The following TPRG1 variants were observed in gnomAD, a reference collection of about 807,000 sequenced individuals.
TPRG1 encodes the protein tumor protein p63 regulated 1.
TPRG1 carries 29 observed loss-of-function variants against 29.3 expected under a neutral mutation model. The observed-to-expected ratio is 0.99, with a 90% CI of 0.74 to 1.35. The LOEUF (loss-of-function observed/expected upper bound fraction) is 1.35. Ranked by LOEUF, TPRG1 falls within the 40% of genes most tolerant of loss-of-function variation. The pLI is 0.00. For synonymous variants in TPRG1, 130 were observed against 116.8 expected (o/e 1.11, Z -0.73); for missense variants, 327 against 335.0 (o/e 0.98, Z 0.19).
At chr3:189,029,917 C>G (rs1713847978) in intron 4 of TPRG1, among the ~76,000 whole-genome samples, 1 of 152,180 alleles carries the variant, frequency 6.6e-6, no homozygotes, top group Non-Finnish European at 1.5e-5. Context: ...TGAGGCCGCA[C>G]CATAAGCAGA....
At position 189,137,301 on chromosome 3, in the gene TPRG1, TGTG is replaced by T. The variant is rs1374067945; in HGVS notation, c.-291+4605_-291+4607del. 8.7e-5 allele frequency among the ~76,000 whole-genome samples: 5 copies of T among 57,786 alleles called. No homozygotes were observed. The African/African-American group carries it at 1.1e-3, about 13-fold the overall frequency. The allele number at this position is 57,786 out of a possible 152,430, so 37.9% of individuals were successfully genotyped here. Reference sequence around the variant, plus strand: ...CAGCTTCTGAAAACCCCAAAATGTGTGTGTGTGTGTGTGTGTGTGTGTGTGTGT... The same window carrying T: ...CAGCTTCTGAAAACCCCAAAATGTGTTGTGTGTGTGTGTGTGTGTGTGTGT... On this transcript the variant is annotated intron_variant, in intron 3 of 6. Coordinates refer to the TPRG1 transcript ENST00000412373.
At chr3:189,006,886 C>T (rs926187329) in intron 3 of TPRG1, among the ~76,000 whole-genome samples, 14 of 152,092 alleles carry the variant, frequency 9.2e-5, no homozygotes, top group African/African-American at 2.2e-4. Flanking sequence ...CTACAGAGAC[C>T]GCATGGCCTG....
intron 1 of TPRG1, among the ~76,000 whole-genome samples, chr3:189,174,681 C>T (rs1249235367): frequency 1.3e-5 from 2 of 152,204 alleles, no homozygotes; most frequent in Non-Finnish European, 2.9e-5. Flanking sequence ...TTCAGTAGAA[C>T]ATACCGTTGG....
At position 189,159,867 on chromosome 3, in the gene TPRG1, TG is replaced by T. The variant is rs796106376; in HGVS notation, c.-10+8997del. Among the ~76,000 whole-genome samples the T allele has an allele frequency of 1.4e-3, 150 of 104,978 alleles. 1 individual carries two copies. Among genetic ancestry groups the T allele is most frequent in the Non-Finnish European group, 2.2e-3 (100 of 45,012 alleles). 68.9% of individuals were successfully genotyped at this position (104,978 alleles called of 152,430 possible). ...GTGTGTGTGTGTGTGTGTGTGTGTGTGGTGGTGGGGGTAGGGGTTCACGAGC... is the reference window on the plus strand; with the variant it reads ...GTGTGTGTGTGTGTGTGTGTGTGTGTGTGGTGGGGGTAGGGGTTCACGAGC... On this transcript the variant is annotated intron_variant, in intron 5 of 6. Transcript: ENST00000412373.
intron 4 of TPRG1, among the ~76,000 whole-genome samples, chr3:189,093,127 G>A (rs1718445005): frequency 6.6e-6 from 1 of 151,762 alleles, no homozygotes; most frequent in Admixed American, 6.6e-5. Context: ...GACAGTGAAT[G>A]GAGACAAAGA....
intron 4 of TPRG1, among the ~76,000 whole-genome samples, chr3:189,288,533 G>C (rs1718461139): frequency 1.3e-5 from 2 of 152,218 alleles, no homozygotes; most frequent in South Asian, 4.1e-4. Flanking sequence ...AGCATATTCA[G>C]CTTTGTAAAT....
At chr3:189,262,279 G>T (rs370453221) in intron 4 of TPRG1, among the ~76,000 whole-genome samples, 65 of 141,890 alleles carry the variant, frequency 4.6e-4, no homozygotes, top group Admixed American at 2.4e-3. Flanking sequence ...AGTATATGAA[G>T]TATACGTCTT....
At chr3:189,214,355 C>T (rs1735714876) in intron 2 of TPRG1, among the ~76,000 whole-genome samples, 1 of 152,142 alleles carries the variant, frequency 6.6e-6, no homozygotes, top group Non-Finnish European at 1.5e-5. Context: ...CATGTTGTGT[C>T]ATTAAAGAAA....
At chr3:189,246,322 A>G (rs1271036515) in intron 4 of TPRG1, among the ~76,000 whole-genome samples, 1 of 152,114 alleles carries the variant, frequency 6.6e-6, no homozygotes, top group Admixed American at 6.6e-5. Context: ...TTTATAAATT[A>G]CCTAGTCTTG....
intron 3 of TPRG1, among the ~76,000 whole-genome samples, chr3:189,221,623 G>T (rs1327832800): frequency 6.6e-6 from 1 of 152,156 alleles, no homozygotes; most frequent in African/African-American, 2.4e-5. Flanking sequence ...GGCTCTATTA[G>T]ATCTTTAAAT....
At chr3:189,288,357 C>T (rs767781338) in intron 4 of TPRG1, among the ~76,000 whole-genome samples, 4 of 152,090 alleles carry the variant, frequency 2.6e-5, no homozygotes, top group Non-Finnish European at 4.4e-5. Context: ...AACAAAACTT[C>T]AAAGGCCAAT....
At chr3:189,281,666 T>A (rs767107040) in intron 4 of TPRG1, among the ~76,000 whole-genome samples, 6 of 152,176 alleles carry the variant, frequency 3.9e-5, no homozygotes, top group Non-Finnish European at 8.8e-5. Context: ...TCTTTCTTAA[T>A]GTATAAATCC....
Position 189,320,728 on chromosome 3 carries a change from A to T in TPRG1, c.736A>T (p.Ile246Phe). 1 of 1,603,936 alleles carries T rather than the reference A, an allele frequency of 6.2e-7. No homozygotes were observed. The highest frequency in any genetic ancestry group is 1.1e-5 in the South Asian group (1 of 90,020). The change falls in exon 6 of 6, where the codon ATT becomes TTT. Residue 246 changes from isoleucine (I) to phenylalanine (F), a missense_variant. Transcript: ENST00000345063. ...GKKLMVLTEP[I>F]LIETYTGLMS... ...GAAACTGATGGTGTTAACTGAACCC[A>T]TTTTGATTGAGACCTACACAGGGCT...
At chr3:189,038,858 A>T (rs1714453675) in intron 4 of TPRG1, among the ~76,000 whole-genome samples, 1 of 152,154 alleles carries the variant, frequency 6.6e-6, no homozygotes, top group African/African-American at 2.4e-5. Context: ...TTACATGCTC[A>T]TGAAGACATC....
intron 1 of TPRG1, among the ~76,000 whole-genome samples, chr3:189,174,658 G>A (rs1426068174): frequency 3.9e-5 from 6 of 152,286 alleles, no homozygotes; most frequent in African/African-American, 1.4e-4. Flanking sequence ...AGAGATATAG[G>A]ATATATGATG....
rs115978513 is a variant in TPRG1, at chr3:189,235,720, G to A, written c.303-3013G>A. On this transcript the variant is annotated intron_variant, in intron 3 of 5. Transcript: ENST00000345063. ...ACACTGAAGGGTCCACTTTTGAAAG[G>A]TTGGTAGTACTGAGGAGAAAGCAAA... is the stretch of plus-strand genomic sequence containing the variant. 8.6e-3 allele frequency among the ~76,000 whole-genome samples: 1,306 copies of A among 152,250 alleles called. 18 individuals carry two copies. The highest frequency in any genetic ancestry group is 0.029 in the African/African-American group (1,218 of 41,532).
intron 1 of TPRG1, among the ~76,000 whole-genome samples, chr3:189,202,532 G>A (rs181107660): frequency 1.3e-5 from 2 of 152,288 alleles, no homozygotes; most frequent in Non-Finnish European, 1.5e-5. Flanking sequence ...TAGGCAAAAC[G>A]TAATAGGTTT....
chr3:189,255,008 C>G (rs1002790344), intron 4 of TPRG1, among the ~76,000 whole-genome samples: 3 of 152,126 alleles, frequency 2.0e-5, no homozygotes, highest in African/African-American at 7.2e-5. Flanking sequence ...TTTGAATACC[C>G]TTTATTTATT....
Position 189,207,564 on chromosome 3 carries a change from T to C in TPRG1, c.180T>C (p.Pro60=). The C allele has an allele frequency of 6.2e-7, 1 of 1,614,048 alleles. No individual in the cohort carries two copies. The highest frequency in any genetic ancestry group is 8.5e-7 in the Non-Finnish European group (1 of 1,179,926). Residue 60 remains proline (P), a synonymous_variant, in exon 2 of 6, where the codon CCT becomes CCC. Transcript: ENST00000345063. The stretch of plus-strand genomic sequence containing the variant: ...TTTACCCCAATCCTTATCATCAGCC[T>C]TATATCTCACGGAAGTACTTTGCTA... ...STLYPNPYHQ[P]YISRKYFATR... is the part of the protein sequence containing the mutation.
Sources: allele counts gnomAD v4.1 joint callset (sites outside exome capture counted in the v4.1 genomes callset), GRCh38; gene constraint gnomAD v4.1.1; transcripts MANE v1.5; gene names NCBI Gene and HGNC (gene_info 2026-07-23, HGNC 2026-07-21).